Variants in PDGFRL observed in about 807,000 individuals in gnomAD.
PDGFRL encodes the protein platelet derived growth factor receptor like.
In PDGFRL, 46 loss-of-function variants were observed where a neutral mutation model predicts 37.2. The ratio of observed to expected loss-of-function variants is 1.24; its 90% CI spans 0.98 to 1.58. PDGFRL has a LOEUF of 1.58. PDGFRL is among the 40% of genes most tolerant of loss of function. PDGFRL has a pLI of 0.00. For synonymous variants in PDGFRL, 251 were observed against 184.3 expected (o/e 1.36, Z -2.93); for missense variants, 692 against 467.6 (o/e 1.48, Z -4.43).
rs35442209 is a variant in PDGFRL at position 17,620,862 on chromosome 8, ATT to A, written c.354-177_354-176del. ...GATTTCTTTTTTTTCAGTTTTTATC[ATT>A]TTTTTTTTTTTATTATACTTTAAGT... On this transcript the variant is annotated intron_variant, in intron 2 of 5. Coordinates refer to ENST00000251630, the MANE Select transcript of PDGFRL (RefSeq NM_001372073.1). 2.5e-3 allele frequency among the ~76,000 whole-genome samples: 362 copies of A among 147,604 alleles called. 1 individual carries two copies. Among genetic ancestry groups the A allele is most frequent in the South Asian group, 4.3e-3 (20 of 4,694 alleles).
Position 17,639,185 on chromosome 8 carries a change from G to C in PDGFRL, c.940-3428G>C, listed in dbSNP as rs534233154. Among the ~76,000 whole-genome samples the C allele has an allele frequency of 2.0e-5, 3 of 152,276 alleles. No homozygotes were observed. The East Asian group carries it at 5.8e-4, about 29-fold the overall frequency. ...TTAGGTGAGTCTCTTCAAAACAGCA[G>C]ATACTTGGTTGGTGACTTCTTACCC... On this transcript the variant is annotated intron_variant, in intron 5 of 5. Transcript: ENST00000251630.
At chr8:17,619,108 C>T (rs887041072) in intron 2 of PDGFRL, among the ~76,000 whole-genome samples, 5 of 152,106 alleles carry the variant, frequency 3.3e-5, no homozygotes, top group Admixed American at 6.6e-5. Context: ...AAACTGGTCA[C>T]GGTATTGATT....
chr8:17,641,450 C>T (rs957999396), intron 5 of PDGFRL, among the ~76,000 whole-genome samples: 1 of 152,180 alleles, frequency 6.6e-6, no homozygotes, highest in Non-Finnish European at 1.5e-5. Flanking sequence ...ACTGAGAGAG[C>T]CCATAGGGCT....
intron 2 of PDGFRL, among the ~76,000 whole-genome samples, chr8:17,601,482 T>C (rs1804165035): frequency 6.6e-6 from 1 of 151,952 alleles, no homozygotes; most frequent in African/African-American, 2.4e-5. Flanking sequence ...CTTTCTAACT[T>C]TTAGGTTGAG....
At chr8:17,638,254 A>C (rs907227046) in intron 5 of PDGFRL, among the ~76,000 whole-genome samples, 1 of 152,070 alleles carries the variant, frequency 6.6e-6, no homozygotes, top group Non-Finnish European at 1.5e-5. Context: ...TACTATTTTC[A>C]TTCAGTTCAA....
rs371085758 is a variant in PDGFRL at position 17,606,886 on chromosome 8, G to GTTT, written c.354-14160_354-14158dup. ...AGAAACAGCCAGTTTTTCGTTTTTT[G>GTTT]TTTTTTTGTTTTTTTTTTTTTTTTT... On this transcript the variant is annotated intron_variant, in intron 2 of 5. Coordinates refer to ENST00000251630, the MANE Select transcript of PDGFRL (RefSeq NM_001372073.1). Among the ~76,000 whole-genome samples, 57 of 138,266 alleles carry GTTT rather than the reference G, an allele frequency of 4.1e-4. 2 individuals carry two copies. Among genetic ancestry groups the GTTT allele is most frequent in the African/African-American group, 6.2e-4 (22 of 35,568 alleles). 90.7% of individuals were successfully genotyped at this position (138,266 alleles called of 152,430 possible). A position where few individuals can be genotyped will look rare whatever the true frequency, so the allele number is the denominator to read the frequency against.
chr8:17,616,641 G>C (rs184321058), intron 2 of PDGFRL, among the ~76,000 whole-genome samples: 132 of 152,188 alleles, frequency 8.7e-4, no homozygotes, highest in African/African-American at 3.1e-3. Context: ...TGCGCATGTT[G>C]ACATCCTTCC....
rs923414501 is a variant in PDGFRL at position 17,621,261 on chromosome 8, A to G, written c.505+59A>G. On this transcript the variant is annotated intron_variant, in intron 3 of 5. Coordinates refer to ENST00000251630, the MANE Select transcript of PDGFRL (RefSeq NM_001372073.1). ...AACTTCTGGACCGGGCTGAGAGCTG[A>G]AGGTTCCCCCACTGCATGCTGAATA... The G allele has an allele frequency of 3.2e-6, 4 of 1,241,072 alleles. No individual in the cohort carries two copies. In the African/African-American group the frequency reaches 6.0e-5, roughly 19 times the overall value. The allele number at this position is 1,241,072 out of a possible 1,614,324, so 76.9% of individuals were successfully genotyped here.
chr8:17,589,503 A>C lies in PDGFRL; in HGVS notation c.91A>C (p.Lys31Gln). The C allele has an allele frequency of 3.1e-6, 5 of 1,613,956 alleles. No homozygotes were observed. The South Asian group carries it at 5.5e-5, about 18-fold the overall frequency. Reference protein sequence around the residue: ...GQHLPKNKRPKEPGENRIKPT... With the variant: ...GQHLPKNKRPQEPGENRIKPT... ...ACACCTTCCCAAGAACAAGCGTCCAAAAGAACCAGGAGAGAATAGAATCAA... is the reference window on the plus strand; with the variant it reads ...ACACCTTCCCAAGAACAAGCGTCCACAAGAACCAGGAGAGAATAGAATCAA... The change falls in exon 2 of 6, where the codon AAA becomes CAA. Residue 31 changes from lysine (K) to glutamine (Q), a missense_variant. Lys to Gln is a moderately conservative substitution (Grantham distance 53, BLOSUM62 1). Transcript: ENST00000251630.
At chr8:17,592,154 C>G (rs1225016717) in intron 2 of PDGFRL, among the ~76,000 whole-genome samples, 1 of 152,214 alleles carries the variant, frequency 6.6e-6, no homozygotes, top group Non-Finnish European at 1.5e-5. Context: ...TTCACTTTAA[C>G]ATTTCAAAAT....
At chr8:17,621,604 A>T (rs1381195033) in intron 3 of PDGFRL, among the ~76,000 whole-genome samples, 1 of 152,202 alleles carries the variant, frequency 6.6e-6, no homozygotes, top group African/African-American at 2.4e-5. Context: ...TAAAATTAAG[A>T]ACAAGTTCTC....
At chr8:17,632,572 G>A (rs1320085069) in intron 4 of PDGFRL, among the ~76,000 whole-genome samples, 1 of 152,142 alleles carries the variant, frequency 6.6e-6, no homozygotes, top group African/African-American at 2.4e-5. Context: ...CCTGACCTCA[G>A]GTGATCTGCC....
intron 5 of PDGFRL, among the ~76,000 whole-genome samples, chr8:17,641,104 C>G (rs554751106): frequency 6.6e-6 from 1 of 152,268 alleles, no homozygotes; most frequent in African/African-American, 2.4e-5. Flanking sequence ...GCCCAAAGGG[C>G]CGGTCTCACT....
At chr8:17,614,253 G>C (rs1804479229) in intron 2 of PDGFRL, among the ~76,000 whole-genome samples, 2 of 152,128 alleles carry the variant, frequency 1.3e-5, no homozygotes, top group African/African-American at 2.4e-5. Context: ...TTGTTTCCCT[G>C]AGATCATCAT....
intron 2 of PDGFRL, among the ~76,000 whole-genome samples, chr8:17,602,448 T>C (rs1786074571): frequency 6.6e-6 from 1 of 152,148 alleles, no homozygotes. Flanking sequence ...CTCGGTCTGA[T>C]GGAGGTAGCT....
In PDGFRL at chr8:17,611,932, G is replaced by T. The variant is rs146508591; in HGVS notation, c.354-9119G>T. 1.8e-4 allele frequency among the ~76,000 whole-genome samples: 27 copies of T among 152,216 alleles called. No individual in the cohort carries two copies. The East Asian group carries it at 4.7e-3, about 26-fold the overall frequency. On this transcript the variant is annotated intron_variant, in intron 2 of 5. Transcript: ENST00000251630. The stretch of plus-strand genomic sequence containing the variant: ...CAGCTCGGTGGAAAGAACTAGAAAT[G>T]CCGAGAGTGGGAACCAAGTAAGAAG...
intron 2 of PDGFRL, among the ~76,000 whole-genome samples, chr8:17,598,882 T>C (rs1311297346): frequency 6.6e-6 from 1 of 152,202 alleles, no homozygotes; most frequent in Non-Finnish European, 1.5e-5. Context: ...TCATTCTCTC[T>C]TGCCAGCTAC....
In PDGFRL at chr8:17,589,696, G is replaced by T. The variant is rs761035084; in HGVS notation, c.284G>T (p.Arg95Leu). ...CTGGCGGGGCAAACTGTAGAGCTTC[G>T]ATGTAAAGGGAGTAGAATTGGGTGG... is the stretch of plus-strand genomic sequence containing the variant. The part of the protein sequence containing the change: ...SLLAGQTVEL[R>L]CKGSRIGWSY... The change falls in exon 2 of 6, where the codon CGA becomes CTA. Residue 95 changes from arginine to leucine, a missense_variant. Transcript: ENST00000251630. The T allele has an allele frequency of 6.2e-7, 1 of 1,613,472 alleles. No homozygotes were observed. Among genetic ancestry groups the T allele is most frequent in the East Asian group, 2.2e-5 (1 of 44,860 alleles).
chr8:17,618,475 G>A (rs928539198), intron 2 of PDGFRL, among the ~76,000 whole-genome samples: 2 of 152,098 alleles, frequency 1.3e-5, no homozygotes, highest in African/African-American at 4.8e-5. Flanking sequence ...GATATAATTG[G>A]GATAACACAA....
Sources: allele counts gnomAD v4.1 joint callset (sites outside exome capture counted in the v4.1 genomes callset), GRCh38; gene constraint gnomAD v4.1.1; transcripts MANE v1.5; gene names NCBI Gene and HGNC (gene_info 2026-07-23, HGNC 2026-07-21).